The following CEACAM3 variants were observed in gnomAD, a reference collection of about 807,000 sequenced individuals.
CEACAM3 encodes the protein cell adhesion molecule CEACAM3.
In CEACAM3, 32 loss-of-function variants were observed where a neutral mutation model predicts 30.1. The observed-to-expected ratio is 1.06, with a 90% CI of 0.80 to 1.43. The LOEUF (loss-of-function observed/expected upper bound fraction) is 1.43, where lower values mean the gene tolerates loss of function less well. Among genes scored for constraint, CEACAM3 ranks in the 40% most tolerant of loss-of-function variants. CEACAM3 has a pLI of 0.00. For synonymous variants in CEACAM3, 134 were observed against 127.2 expected (o/e 1.05, Z -0.36); for missense variants, 290 against 316.3 (o/e 0.92, Z 0.63).
chr19:41,804,467 T>G (rs1430177635), intron 2 of CEACAM3, among the ~76,000 whole-genome samples: 1 of 152,220 alleles, frequency 6.6e-6, no homozygotes, highest in Non-Finnish European at 1.5e-5. Flanking sequence ...CCTTCCTATT[T>G]TGCCTAACTC....
At chr19:41,806,340 C>A (rs1015579932) in intron 2 of CEACAM3, among the ~76,000 whole-genome samples, 12 of 152,068 alleles carry the variant, frequency 7.9e-5, no homozygotes, top group Non-Finnish European at 4.4e-5. Context: ...TTCTACTATA[C>A]CTTTTACTGA....
intron 5 of CEACAM3, 112 bp downstream of exon 5, chr19:41,810,466 C>A: frequency 8.0e-7 from 1 of 1,251,872 alleles, no homozygotes; most frequent in Non-Finnish European, 1.1e-6. Flanking sequence ...CCCCAAAACA[C>A]ACAGGACAAG....
At chr19:41,805,199 T>C (rs2073188417) in intron 2 of CEACAM3, among the ~76,000 whole-genome samples, 1 of 152,048 alleles carries the variant, frequency 6.6e-6, no homozygotes, top group Admixed American at 6.6e-5. Flanking sequence ...ACCTCCATAT[T>C]TTGCATAATT....
Position 41,796,665 on chromosome 19 carries a change from G to A in CEACAM3, c.-13G>A, listed in dbSNP as rs2073104692. ...CTTTTCCACAGAGGAGGAAAGAGCA[G>A]GCAGCAGAGACCATGGGGCCCCCCT... On this transcript the variant is annotated 5_prime_UTR_variant, in exon 1 of 7. Transcript: ENST00000357396. 6.2e-7 allele frequency: 1 copy of A among 1,614,070 alleles called. No individual in the cohort carries two copies.
chr19:41,809,916 T>C (rs782053885), intron 3 of CEACAM3, 49 bp from the exon 4 acceptor site: 140 of 1,599,720 alleles, frequency 8.8e-5, no homozygotes, highest in Non-Finnish European at 1.1e-4. Context: ...AACTCCAAAG[T>C]TGTGGCTTTT....
intron 2 of CEACAM3, chr19:41,807,691 A>G (rs781823992): frequency 7.8e-5 from 83 of 1,065,954 alleles, no homozygotes; most frequent in Non-Finnish European, 9.5e-5. Context: ...CTTGGCTCAC[A>G]GGGACACTGT....
chr19:41,799,553 C>T (rs2073129945), intron 2 of CEACAM3, among the ~76,000 whole-genome samples: 1 of 152,172 alleles, frequency 6.6e-6, no homozygotes, highest in African/African-American at 2.4e-5. Context: ...TAACCTAGAA[C>T]TAAATCCCTT....
intron 2 of CEACAM3, among the ~76,000 whole-genome samples, chr19:41,805,327 T>C (rs1270680235): frequency 6.7e-6 from 1 of 150,036 alleles, no homozygotes; most frequent in Non-Finnish European, 1.5e-5. Flanking sequence ...GTTTTACTCT[T>C]GTCACCCAGG....
At chr19:41,801,363 G>A (rs1243346416) in intron 2 of CEACAM3, among the ~76,000 whole-genome samples, 1 of 152,078 alleles carries the variant, frequency 6.6e-6, no homozygotes, top group African/African-American at 2.4e-5. Flanking sequence ...TCCCCACCCA[G>A]GGCTCTTTCC....
chr19:41,809,148 C>G (rs1016236137), intron 3 of CEACAM3: 23 of 465,910 alleles, frequency 4.9e-5, no homozygotes, highest in Non-Finnish European at 8.0e-5. Flanking sequence ...AATTAAGGCC[C>G]CACCCCTGAG....
chr19:41,807,292 A>T, intron 2 of CEACAM3: 3 of 1,608,434 alleles, frequency 1.9e-6, no homozygotes, highest in Non-Finnish European at 2.6e-6. Context: ...CCCTCACTCT[A>T]CTCAGTGTCA....
chr19:41,803,326 G>C (rs1555826225), intron 2 of CEACAM3, among the ~76,000 whole-genome samples: 1 of 152,128 alleles, frequency 6.6e-6, no homozygotes, highest in African/African-American at 2.4e-5. Context: ...TGCCCTCAAT[G>C]GGCTTACTGG....
chr19:41,810,024 G>A lies in CEACAM3; in HGVS notation c.595+7G>A, dbSNP rs376709412. 36 of 1,613,568 alleles carry A rather than the reference G, an allele frequency of 2.2e-5. No homozygotes were observed. Among genetic ancestry groups the A allele is most frequent in the Non-Finnish European group, 3.1e-5 (36 of 1,179,736 alleles). ...CCCCAAGCCCTTGCCCCTGGTGAGTGTCCTCTCAGCCCAGGTGTGGCTGGG... is the reference window on the plus strand; with the variant it reads ...CCCCAAGCCCTTGCCCCTGGTGAGTATCCTCTCAGCCCAGGTGTGGCTGGG... On this transcript the variant is annotated splice_region_variant and intron_variant, in intron 4 of 6. Coordinates refer to ENST00000357396, the MANE Select transcript of CEACAM3 (RefSeq NM_001815.5).
At chr19:41,806,432 G>A (rs1488033408) in intron 2 of CEACAM3, among the ~76,000 whole-genome samples, 1 of 152,146 alleles carries the variant, frequency 6.6e-6, no homozygotes, top group Non-Finnish European at 1.5e-5. Context: ...GCACCAGCAT[G>A]TTCCAGGTGA....
chr19:41,810,227 C>T, intron 4 of CEACAM3, 96 bp from the exon 5 acceptor site: 1 of 1,473,584 alleles, frequency 6.8e-7, no homozygotes, highest in Non-Finnish European at 9.3e-7. Flanking sequence ...ACCTCAGCTG[C>T]TCAGGTATCT....
intron 2 of CEACAM3, among the ~76,000 whole-genome samples, chr19:41,800,994 A>G (rs1408470663): frequency 2.6e-5 from 4 of 151,834 alleles, no homozygotes; most frequent in Non-Finnish European, 5.9e-5. Context: ...TGGTCCCTAC[A>G]CTGGTTCTAG....
At chr19:41,810,271 G>T in intron 4 of CEACAM3, 52 bp from the exon 5 acceptor site, 1 of 1,581,216 alleles carries the variant, frequency 6.3e-7, no homozygotes, top group Non-Finnish European at 8.6e-7. Flanking sequence ...TTCCTGGAGA[G>T]GGGATAAGGC....
intron 2 of CEACAM3, among the ~76,000 whole-genome samples, chr19:41,804,225 G>A (rs1193134395): frequency 6.6e-6 from 1 of 152,160 alleles, no homozygotes; most frequent in East Asian, 1.9e-4. Context: ...CCTGGGACCA[G>A]GTGGAGCTGG....
Position 41,796,656 on chromosome 19 carries a change from GA to G in CEACAM3, c.-19del. 1 of 1,613,626 alleles carries G rather than the reference GA, an allele frequency of 6.2e-7. No homozygotes were observed. The highest frequency in any genetic ancestry group is 8.5e-7 in the Non-Finnish European group (1 of 1,179,484). On this transcript the variant is annotated 5_prime_UTR_variant, in exon 1 of 7. Coordinates refer to ENST00000357396, the MANE Select transcript of CEACAM3 (RefSeq NM_001815.5). ...GCCCAGGCTCTTTTCCACAGAGGAG[GA>G]AAGAGCAGGCAGCAGAGACCATGGG...
Sources: allele counts gnomAD v4.1 joint callset (sites outside exome capture counted in the v4.1 genomes callset), GRCh38; gene constraint gnomAD v4.1.1; transcripts MANE v1.5; gene names NCBI Gene and HGNC (gene_info 2026-07-23, HGNC 2026-07-21).